Variants in CNTNAP2 observed in about 807,000 individuals in gnomAD.
CNTNAP2 encodes contactin associated protein 2.
In CNTNAP2, 98 loss-of-function variants were observed where a neutral mutation model predicts 155.2. That is an observed-to-expected ratio of 0.63 (90% confidence interval 0.54 to 0.75). The LOEUF (loss-of-function observed/expected upper bound fraction) is 0.75, where lower values mean the gene tolerates loss of function less well. Ranked by LOEUF, CNTNAP2 falls within the 30% of genes least tolerant of loss-of-function variation. CNTNAP2 has a pLI of 0.00. For synonymous variants in CNTNAP2, 651 were observed against 631.2 expected (o/e 1.03, Z -0.47); for missense variants, 1,727 against 1,688.1 (o/e 1.02, Z -0.40).
chr7:146,272,700 G>A (rs1800101169), intron 1 of CNTNAP2, among the ~76,000 whole-genome samples: 1 of 152,112 alleles, frequency 6.6e-6, no homozygotes, highest in African/African-American at 2.4e-5. Flanking sequence ...ATACAAATAT[G>A]TGCCCTCATG....
chr7:147,543,218 G>A (rs567357845), intron 11 of CNTNAP2, among the ~76,000 whole-genome samples: 1 of 152,358 alleles, frequency 6.6e-6, no homozygotes, highest in African/African-American at 2.4e-5. Flanking sequence ...TAAAGGAATA[G>A]GATGGGCTAG....
intron 11 of CNTNAP2, among the ~76,000 whole-genome samples, chr7:147,527,844 G>A (rs1799354535): frequency 6.6e-6 from 1 of 152,204 alleles, no homozygotes; most frequent in South Asian, 2.1e-4. Context: ...ACTAGGAGAA[G>A]GATTATTTGG....
At chr7:146,910,548 T>A (rs371430409) in intron 3 of CNTNAP2, among the ~76,000 whole-genome samples, 32 of 151,178 alleles carry the variant, frequency 2.1e-4, no homozygotes, top group South Asian at 6.2e-4. Context: ...AAAACAAGCA[T>A]TGGGGAAAGG....
chr7:147,894,630 G>T (rs764459141), intron 13 of CNTNAP2, among the ~76,000 whole-genome samples: 2 of 152,050 alleles, frequency 1.3e-5, no homozygotes, highest in Non-Finnish European at 1.5e-5. Context: ...ATGCTTTTAC[G>T]TTTTCATTTT....
intron 21 of CNTNAP2, among the ~76,000 whole-genome samples, chr7:148,279,789 G>C (rs906430494): frequency 2.9e-4 from 44 of 152,196 alleles, no homozygotes; most frequent in Admixed American, 1.4e-3. Flanking sequence ...TGAACGCAAT[G>C]ATGAAGAAGA....
At chr7:148,090,859 T>G (rs1803825808) in intron 15 of CNTNAP2, among the ~76,000 whole-genome samples, 1 of 151,984 alleles carries the variant, frequency 6.6e-6, no homozygotes, top group Non-Finnish European at 1.5e-5. Flanking sequence ...CATCAACAGA[T>G]GAACAGGTAA....
intron 3 of CNTNAP2, among the ~76,000 whole-genome samples, chr7:146,943,928 T>C (rs953159609): frequency 6.6e-6 from 1 of 152,236 alleles, no homozygotes; most frequent in Non-Finnish European, 1.5e-5. Flanking sequence ...GCAATAGCAG[T>C]AACTATAAAG....
At chr7:148,292,496 G>T (rs1386039942) in intron 21 of CNTNAP2, among the ~76,000 whole-genome samples, 1 of 152,218 alleles carries the variant, frequency 6.6e-6, no homozygotes, top group African/African-American at 2.4e-5. Context: ...GCATGCTAGA[G>T]TTACAGTGTG....
At chr7:148,368,590 G>A (rs1010086590) in intron 21 of CNTNAP2, among the ~76,000 whole-genome samples, 1 of 152,194 alleles carries the variant, frequency 6.6e-6, no homozygotes, top group African/African-American at 2.4e-5. Flanking sequence ...AGATGTAGCA[G>A]GACGAATTGC....
At chr7:147,857,055 C>T (rs1357996351) in intron 13 of CNTNAP2, among the ~76,000 whole-genome samples, 1 of 152,130 alleles carries the variant, frequency 6.6e-6, no homozygotes, top group African/African-American at 2.4e-5. Context: ...AACATTAGGC[C>T]AGAATGATAA....
At chr7:148,305,995 T>A (rs553565318) in intron 21 of CNTNAP2, among the ~76,000 whole-genome samples, 2,955 of 152,300 alleles carry the variant, frequency 0.019, 26 homozygotes, top group Middle Eastern at 0.048. Flanking sequence ...CATCCTTCTG[T>A]AGCTTCCTGA....
At chr7:147,494,964 C>G (rs1436804444) in intron 11 of CNTNAP2, among the ~76,000 whole-genome samples, 1 of 152,164 alleles carries the variant, frequency 6.6e-6, no homozygotes, top group Admixed American at 6.5e-5. Flanking sequence ...CTTTAAATCA[C>G]AGTTTCAACT....
chr7:146,374,129 GT>G (rs1006726882), intron 1 of CNTNAP2, among the ~76,000 whole-genome samples: 4 of 151,724 alleles, frequency 2.6e-5, no homozygotes, highest in African/African-American at 9.7e-5. Flanking sequence ...GGTTGGCTTT[GT>G]TTTTTTGTTT....
At chr7:146,140,157 G>C (rs548795244) in intron 1 of CNTNAP2, among the ~76,000 whole-genome samples, 13 of 152,100 alleles carry the variant, frequency 8.5e-5, no homozygotes, top group African/African-American at 3.1e-4. Context: ...GCTGAAGAAA[G>C]CTCCATTTCC....
At chr7:146,125,158 G>A (rs1479334951) in intron 1 of CNTNAP2, among the ~76,000 whole-genome samples, 3 of 152,118 alleles carry the variant, frequency 2.0e-5, no homozygotes, top group Admixed American at 2.0e-4. Flanking sequence ...ATGCACTTCT[G>A]TAGTATATGT....
At chr7:146,707,367 AC>A (rs1186752532) in intron 1 of CNTNAP2, among the ~76,000 whole-genome samples, 1 of 152,198 alleles carries the variant, frequency 6.6e-6, no homozygotes, top group African/African-American at 2.4e-5. Context: ...TCATTATAAT[AC>A]AGTGCCTTAC....
chr7:147,648,677 A>G (rs1185867056), intron 13 of CNTNAP2, among the ~76,000 whole-genome samples: 1 of 152,140 alleles, frequency 6.6e-6, no homozygotes. Context: ...ATTCACTATC[A>G]TGAGAGTAGC....
rs141209590 is a variant in CNTNAP2 at position 146,749,221 on chromosome 7, G to A, written c.98-25050G>A. On this transcript the variant is annotated intron_variant, in intron 1 of 23. Coordinates refer to ENST00000361727, the MANE Select transcript of CNTNAP2 (RefSeq NM_014141.6). ...TACATATATGTGTATGTATCTATAT[G>A]TATATGTATATATTTGTATCTATAC... 3.3e-3 allele frequency among the ~76,000 whole-genome samples: 503 copies of A among 152,018 alleles called. 4 individuals are homozygous for A. Among genetic ancestry groups the A allele is most frequent in the African/African-American group, 8.4e-3 (347 of 41,456 alleles).
chr7:146,739,469 CCT>C (rs1265437776), intron 1 of CNTNAP2, among the ~76,000 whole-genome samples: 5 of 151,800 alleles, frequency 3.3e-5, no homozygotes, highest in African/African-American at 1.2e-4. Flanking sequence ...TGAAGTTTCC[CCT>C]GTTCAATCAA....
Sources: gnomAD v4.1 joint callset for allele counts (sites outside exome capture counted in the v4.1 genomes callset) on GRCh38, gnomAD v4.1.1 for gene constraint, MANE v1.5 for transcripts, NCBI Gene and HGNC (gene_info 2026-07-23, HGNC 2026-07-21) for gene names.